Variants in ASCC2 observed in about 807,000 individuals in gnomAD.
ASCC2 encodes the protein activating signal cointegrator 1 complex subunit 2, also known as ASC-1 complex subunit P100.
Under a neutral mutation model 93.5 loss-of-function variants are expected in ASCC2, and 42 were observed. The observed-to-expected ratio is 0.45, with a 90% confidence interval of 0.35 to 0.58. ASCC2 has a LOEUF of 0.58. Ranked by LOEUF, ASCC2 falls within the 20% of genes least tolerant of loss-of-function variation. ASCC2 has a pLI of 0.00. For missense variants in ASCC2, 859 were observed against 977.6 expected, an observed-to-expected ratio of 0.88 and a Z score of 1.62; for synonymous variants, 364 against 384.2, an observed-to-expected ratio of 0.95 and a Z score of 0.62.
At position 29,788,912 on chromosome 22, in the gene ASCC2, T is replaced by C; in HGVS notation, c.*101A>G. 7.0e-7 allele frequency: 1 copy of C among 1,427,638 alleles called. No homozygotes were observed. The highest frequency in any genetic ancestry group is 9.7e-7 in the Non-Finnish European group (1 of 1,031,266). 88.4% of individuals were successfully genotyped at this position (1,427,638 alleles called of 1,614,324 possible). Reference sequence around the variant, plus strand: ...CTGCAAAGCTGAGGCTGTTGAGGGGTTGAGTTGAACTTGGGGCCCCTAGTG... The same window carrying C: ...CTGCAAAGCTGAGGCTGTTGAGGGGCTGAGTTGAACTTGGGGCCCCTAGTG... On this transcript the variant is annotated 3_prime_UTR_variant, in exon 20 of 20. Coordinates refer to ENST00000307790, the MANE Select transcript of ASCC2 (RefSeq NM_032204.5).
rs1346192663 is a variant in ASCC2, at chr22:29,813,525, A to G, written c.738T>C (p.Val246=). 6.2e-7 allele frequency: 1 copy of G among 1,612,810 alleles called. No individual in the cohort carries two copies. Among genetic ancestry groups the G allele is most frequent in the African/African-American group, 1.3e-5 (1 of 75,012 alleles). The change falls in exon 8 of 20, where the codon GTT becomes GTC. Residue 246 remains valine (V), a synonymous_variant. Transcript: ENST00000307790. ...TGGTGCAGGTATCACAAAGGTAGAG[A>G]ACAATGTCCTTTAATTCCTGTTGCC... ...DMPLLELKDI[V]LYLCDTCTTL...
At chr22:29,819,169 T>G (rs1203841718) in intron 5 of ASCC2, among the ~76,000 whole-genome samples, 2 of 151,124 alleles carry the variant, frequency 1.3e-5, no homozygotes, top group Admixed American at 6.6e-5. Context: ...ACCCAATTTG[T>G]TTTTTTTTGA....
Position 29,788,865 on chromosome 22 carries a change from T to C in ASCC2, c.*148A>G. The C allele has an allele frequency of 1.1e-6, 1 of 932,378 alleles. No homozygotes were observed. Among genetic ancestry groups the C allele is most frequent in the East Asian group, 2.5e-5 (1 of 40,418 alleles). 57.8% of individuals were successfully genotyped at this position (932,378 alleles called of 1,614,324 possible). Reference sequence around the variant, plus strand: ...AAGGCGCTCATGGCTGGCTGGTAGATGAGAGGCGGCCTTCTCAGGGGCTGC... The same window carrying C: ...AAGGCGCTCATGGCTGGCTGGTAGACGAGAGGCGGCCTTCTCAGGGGCTGC... On this transcript the variant is annotated 3_prime_UTR_variant, in exon 20 of 20. Coordinates refer to ENST00000307790, the MANE Select transcript of ASCC2 (RefSeq NM_032204.5).
chr22:29,820,887 CAA>C (rs1374763042), intron 5 of ASCC2, among the ~76,000 whole-genome samples: 1 of 91,560 alleles, frequency 1.1e-5, no homozygotes, highest in Non-Finnish European at 2.1e-5. Flanking sequence ...GCCTGGGCAA[CAA>C]GAGCGAAACT....
intron 9 of ASCC2, among the ~76,000 whole-genome samples, chr22:29,807,589 G>A (rs2059822625): frequency 1.3e-5 from 2 of 152,098 alleles, no homozygotes; most frequent in Non-Finnish European, 1.5e-5. Flanking sequence ...TCTCCTTCAC[G>A]GTGTTTAGTA....
intron 15 of ASCC2, 86 bp downstream of exon 15, chr22:29,800,905 T>C: frequency 6.8e-7 from 1 of 1,477,158 alleles, no homozygotes; most frequent in Non-Finnish European, 9.1e-7. Context: ...TGGCCAATTC[T>C]GCGAAGATGG....
chr22:29,804,424 T>G (rs1284642684), intron 13 of ASCC2, among the ~76,000 whole-genome samples: 1 of 152,194 alleles, frequency 6.6e-6, no homozygotes, highest in East Asian at 1.9e-4. Context: ...TTGAAGCAAC[T>G]TGCTCTCTCC....
intron 1 of ASCC2, among the ~76,000 whole-genome samples, chr22:29,835,070 A>G (rs960149014): frequency 1.1e-4 from 16 of 152,342 alleles, no homozygotes; most frequent in African/African-American, 3.8e-4. Flanking sequence ...CCCACAGTCC[A>G]GGCCTAGACA....
At chr22:29,793,088 G>A (rs539849243) in intron 17 of ASCC2, among the ~76,000 whole-genome samples, 52 of 152,270 alleles carry the variant, frequency 3.4e-4, no homozygotes, top group Non-Finnish European at 7.1e-4. Context: ...GGAGGTCAAG[G>A]CTGCAGTCAG....
chr22:29,832,263 C>T lies in ASCC2; in HGVS notation c.63G>A (p.Leu21=). 1 of 1,613,954 alleles carries T rather than the reference C, an allele frequency of 6.2e-7. No individual in the cohort carries two copies. The highest frequency in any genetic ancestry group is 8.5e-7 in the Non-Finnish European group (1 of 1,179,870). The change falls in exon 2 of 20, where the codon CTG becomes CTA. Residue 21 remains leucine (L), a synonymous_variant. Transcript: ENST00000307790. The stretch of plus-strand genomic sequence containing the variant: ...GGCTCACCAGCGCTGGTGAAGTCCT[C>T]AGCTTTCCTGTCTTCGGGTCCTTGT... ...ITHKDPKTGK[L]RTSPALHPEQ...
At chr22:29,822,003 C>CTT in intron 5 of ASCC2, 2 of 394,150 alleles carry the variant, frequency 5.1e-6, no homozygotes, top group Admixed American at 3.0e-5. Context: ...TGTCTTTTTT[C>CTT]TTTTTTTTTG....
intron 14 of ASCC2, 108 bp from the exon 15 acceptor site, chr22:29,801,218 C>T: frequency 7.3e-7 from 1 of 1,378,790 alleles, no homozygotes; most frequent in Non-Finnish European, 9.8e-7. Context: ...CAGTTCCCTT[C>T]AACAGGCACT....
At chr22:29,798,605 G>A (rs2058718010) in intron 15 of ASCC2, among the ~76,000 whole-genome samples, 1 of 152,212 alleles carries the variant, frequency 6.6e-6, no homozygotes, top group Non-Finnish European at 1.5e-5. Flanking sequence ...TAAGCACTGA[G>A]TACAGCCTAT....
At chr22:29,806,152 G>A in intron 12 of ASCC2, 64 bp downstream of exon 12, 1 of 1,546,650 alleles carries the variant, frequency 6.5e-7, no homozygotes, top group East Asian at 2.2e-5. Flanking sequence ...GGTTCCAGCA[G>A]CCTGTCTCAC....
rs780656976 is a variant in ASCC2, at chr22:29,804,752, A to T, written c.1239T>A (p.Asp413Glu). ...WEGVDRRKATDAKDPSVIEEP... is the reference protein window; with the variant it reads ...WEGVDRRKATEAKDPSVIEEP... The stretch of plus-strand genomic sequence containing the variant: ...CCTCAATCACCGATGGGTCTTTAGC[A>T]TCTGTGGCTTTCCGTCTGTCCACCC... Residue 413 changes from aspartate to glutamate, a missense_variant, in exon 13 of 20, where the codon GAT (aspartate) becomes GAA (glutamate). Asp to Glu is a conservative substitution (Grantham distance 45). Coordinates refer to ENST00000307790, the MANE Select transcript of ASCC2 (RefSeq NM_032204.5). The T allele has an allele frequency of 2.7e-5, 43 of 1,613,930 alleles. No individual in the cohort carries two copies. The highest frequency in any genetic ancestry group is 3.1e-5 in the Non-Finnish European group (37 of 1,180,012).
intron 2 of ASCC2, chr22:29,827,380 C>A: frequency 3.2e-6 from 1 of 313,298 alleles, no homozygotes. Context: ...CACAGTCCAT[C>A]CACTTCCAGG....
intron 11 of ASCC2, 52 bp downstream of exon 11, chr22:29,806,433 C>T (rs2059686113): frequency 3.1e-6 from 5 of 1,596,434 alleles, no homozygotes; most frequent in Non-Finnish European, 4.3e-6. Flanking sequence ...TGTAAGGCCT[C>T]TTGGGGACCT....
intron 8 of ASCC2, among the ~76,000 whole-genome samples, chr22:29,809,379 G>A (rs186971166): frequency 8.5e-4 from 128 of 151,282 alleles, no homozygotes; most frequent in African/African-American, 2.6e-3. Context: ...TTTTTGAGAC[G>A]AAGTCTAGTT....
chr22:29,807,381 A>G (rs1474614442), intron 9 of ASCC2, among the ~76,000 whole-genome samples: 1 of 152,192 alleles, frequency 6.6e-6, no homozygotes, highest in East Asian at 1.9e-4. Context: ...GGCAAAAGCC[A>G]TAGGCCCAGA....
Sources: gnomAD v4.1 joint callset for allele counts (sites outside exome capture counted in the v4.1 genomes callset) on GRCh38, gnomAD v4.1.1 for gene constraint, MANE v1.5 for transcripts, NCBI Gene and HGNC (gene_info 2026-07-23, HGNC 2026-07-21) for gene names.